Variants in DNAH17 observed in about 807,000 individuals in gnomAD.
DNAH17 encodes the protein dynein axonemal heavy chain 17, also known as axonemal beta dynein heavy chain 17.
A neutral mutation model predicts 485.6 loss-of-function variants in DNAH17; 376 were observed. That is an observed-to-expected ratio of 0.77 (90% CI 0.71 to 0.84). The LOEUF (loss-of-function observed/expected upper bound fraction) is 0.84. Among genes scored for constraint, DNAH17 ranks in the 40% least tolerant of loss-of-function variants. DNAH17 has a pLI of 0.00. For missense variants in DNAH17, 6,370 were observed against 5,839.3 expected, an observed-to-expected ratio of 1.09 and a Z score of -2.96; for synonymous variants, 3,031 against 2,405.9, an observed-to-expected ratio of 1.26 and a Z score of -7.60.
rs576595065 is a variant in DNAH17 at position 78,440,915 on chromosome 17, T to C, written c.11677+136A>G. ...CGTGTTATTTTCCTGTTCTTGATCA[T>C]TGCCATCCTACCGGCGTGAAGCCGC... On this transcript the variant is annotated intron_variant, in intron 72 of 80. Transcript: ENST00000389840. The C allele has an allele frequency of 2.2e-5, 24 of 1,069,518 alleles. No homozygotes were observed. The South Asian group carries it at 2.6e-4, about 12-fold the overall frequency. 66.3% of individuals were successfully genotyped at this position (1,069,518 alleles called of 1,614,324 possible). A position where few individuals can be genotyped will look rare whatever the true frequency, so the allele number is the denominator to read the frequency against.
At chr17:78,534,375 G>A (rs891106922) in intron 19 of DNAH17, among the ~76,000 whole-genome samples, 6 of 151,712 alleles carry the variant, frequency 4.0e-5, no homozygotes, top group African/African-American at 9.7e-5. Flanking sequence ...GAAGGGGAAG[G>A]TTGGCCCTAG....
At chr17:78,519,042 C>T (rs941708704) in intron 25 of DNAH17, among the ~76,000 whole-genome samples, 6 of 151,922 alleles carry the variant, frequency 3.9e-5, no homozygotes, top group South Asian at 2.1e-4. Flanking sequence ...GTGGCGGGCA[C>T]CTGTAGTCCC....
intron 48 of DNAH17, among the ~76,000 whole-genome samples, chr17:78,481,537 G>C (rs2089351291): frequency 6.6e-6 from 1 of 152,156 alleles, no homozygotes; most frequent in South Asian, 2.1e-4. Context: ...CAGTGCTGGG[G>C]CTCTGGGAAG....
In DNAH17 at chr17:78,432,219, TA is replaced by T. The variant is rs969326319; in HGVS notation, c.12225+1809del. Among the ~76,000 whole-genome samples the T allele has an allele frequency of 9.2e-5, 13 of 140,618 alleles. No homozygotes were observed. In the South Asian group the frequency reaches 1.6e-3, roughly 17 times the overall value. 92.3% of individuals were successfully genotyped at this position (140,618 alleles called of 152,430 possible). A position where few individuals can be genotyped will look rare whatever the true frequency, so the allele number is the denominator to read the frequency against. On this transcript the variant is annotated intron_variant, in intron 75 of 80. Coordinates refer to ENST00000389840, the MANE Select transcript of DNAH17 (RefSeq NM_173628.4). ...ATAAATAAATAAAATAAATAAAAAT[TA>T]AAAAAAAAATTCTAGCCAGACTGTT...
intron 29 of DNAH17, 132 bp downstream of exon 29, chr17:78,507,146 T>G (rs1309698279): frequency 2.9e-6 from 3 of 1,042,114 alleles, no homozygotes; most frequent in South Asian, 3.3e-5. Flanking sequence ...GGAAAGGCAA[T>G]TGATTAACCC....
intron 1 of DNAH17, among the ~76,000 whole-genome samples, chr17:78,576,146 G>A (rs2092429627): frequency 6.6e-6 from 1 of 152,144 alleles, no homozygotes; most frequent in Non-Finnish European, 1.5e-5. Context: ...AGATGACGTT[G>A]GAAGCACTCA....
At chr17:78,444,955 C>A (rs2087218775) in intron 70 of DNAH17, among the ~76,000 whole-genome samples, 158 bp from the exon 71 acceptor site, 1 of 152,112 alleles carries the variant, frequency 6.6e-6, no homozygotes, top group African/African-American at 2.4e-5. Context: ...AAAGCAGGAG[C>A]TGTCCATGCC....
At chr17:78,518,640 AC>A (rs1827129057) in intron 25 of DNAH17, among the ~76,000 whole-genome samples, 2 of 152,234 alleles carry the variant, frequency 1.3e-5, no homozygotes, top group Admixed American at 1.3e-4. Context: ...AACACAACCA[AC>A]TGACAGGATC....
rs1195461868 is a variant in DNAH17, at chr17:78,436,295, G to A, written c.12033+1346C>T. Among the ~76,000 whole-genome samples, 3 of 152,290 alleles carry A rather than the reference G, an allele frequency of 2.0e-5. No individual in the cohort carries two copies. The East Asian group carries it at 5.8e-4, about 29-fold the overall frequency. On this transcript the variant is annotated intron_variant, in intron 74 of 80. Coordinates refer to ENST00000389840, the MANE Select transcript of DNAH17 (RefSeq NM_173628.4). ...TACAAAAAACTAGCCAGGAGTGGTG[G>A]TGGGTGTCTGTAATCCCAGCTACTT...
In DNAH17 at chr17:78,553,283, G is replaced by GGTTTTTTTTTTTTTTTTTTTTT. The variant is rs2091944708; in HGVS notation, c.2179-479_2179-478insAAAAAAAAAAAAAAAAAAAAAC. ...AAATTACCCAGTCCCAGGTTTTTGTGTTTTTTTTTTTTTTTTTTTTTTTTT... is the reference window on the plus strand; with the variant it reads ...AAATTACCCAGTCCCAGGTTTTTGTGGTTTTTTTTTTTTTTTTTTTTTTTTTTTTTTTTTTTTTTTTTTTTTT... On this transcript the variant is annotated intron_variant, in intron 14 of 80. Transcript: ENST00000389840. Among the ~76,000 whole-genome samples the GGTTTTTTTTTTTTTTTTTTTTT allele has an allele frequency of 1.2e-4, 6 of 51,018 alleles. 1 individual carries two copies. Among genetic ancestry groups the GGTTTTTTTTTTTTTTTTTTTTT allele is most frequent in the African/African-American group, 1.8e-4 (2 of 11,072 alleles). The allele number at this position is 51,018 out of a possible 152,430, so 33.5% of individuals were successfully genotyped here.
At chr17:78,450,182 A>G in intron 68 of DNAH17, 72 bp downstream of exon 68, 1 of 1,542,966 alleles carries the variant, frequency 6.5e-7, no homozygotes, top group Non-Finnish European at 8.9e-7. Context: ...TGTGTGGGCA[A>G]CAGGCCTGGC....
intron 68 of DNAH17, chr17:78,449,842 T>A (rs1168871050): frequency 6.6e-6 from 3 of 457,436 alleles, no homozygotes; most frequent in Non-Finnish European, 7.9e-6. Flanking sequence ...CCTGGCTAAT[T>A]TTTTTTTATT....
At chr17:78,544,702 G>C (rs2091704490) in intron 16 of DNAH17, among the ~76,000 whole-genome samples, 1 of 150,344 alleles carries the variant, frequency 6.7e-6, no homozygotes, top group Non-Finnish European at 1.5e-5. Context: ...CCAGGAGGCT[G>C]AGGCAGGAGA....
In DNAH17 at chr17:78,493,964, G is replaced by A. The variant is rs866126178; in HGVS notation, c.6408+72C>T. The stretch of plus-strand genomic sequence containing the variant: ...CTCCGGGGTGGCGGGGAGTGATGGA[G>A]GGCCGACCCTTCGCCCCAGCCCTCC... On this transcript the variant is annotated intron_variant, in intron 41 of 80. Transcript: ENST00000389840. 4.6e-6 allele frequency: 7 copies of A among 1,527,084 alleles called. No homozygotes were observed. In the Middle Eastern group the frequency reaches 6.8e-4, roughly 148 times the overall value. 94.6% of individuals were successfully genotyped at this position (1,527,084 alleles called of 1,614,324 possible).
chr17:78,505,578 T>A, intron 30 of DNAH17, 133 bp from the exon 31 acceptor site: 1 of 1,142,850 alleles, frequency 8.8e-7, no homozygotes, highest in Non-Finnish European at 1.2e-6. Flanking sequence ...CAACGTTGAC[T>A]AAACATGACT....
chr17:78,474,993 C>T (rs1347393161), intron 54 of DNAH17, among the ~76,000 whole-genome samples: 2 of 150,808 alleles, frequency 1.3e-5, no homozygotes, highest in African/African-American at 2.4e-5. Context: ...ACACGCTTCA[C>T]CTCAGTCACA....
At chr17:78,555,284 T>C (rs2091994782) in intron 14 of DNAH17, among the ~76,000 whole-genome samples, 1 of 152,084 alleles carries the variant, frequency 6.6e-6, no homozygotes, top group Non-Finnish European at 1.5e-5. Flanking sequence ...CTCTTCCCAG[T>C]CGAGGAACCC....
intron 11 of DNAH17, among the ~76,000 whole-genome samples, 193 bp from the exon 12 acceptor site, chr17:78,562,173 T>C (rs2143658901): frequency 6.6e-6 from 1 of 152,350 alleles, no homozygotes; most frequent in East Asian, 1.9e-4. Context: ...TCTCATTGAC[T>C]TAGGCCGAGT....
chr17:78,543,290 T>G (rs1009820324), intron 17 of DNAH17, among the ~76,000 whole-genome samples: 4 of 150,092 alleles, frequency 2.7e-5, no homozygotes, highest in African/African-American at 4.9e-5. Context: ...AATTTTTGTT[T>G]TTTTTTTTTT....
Sources: allele counts gnomAD v4.1 joint callset (sites outside exome capture counted in the v4.1 genomes callset), GRCh38; gene constraint gnomAD v4.1.1; transcripts MANE v1.5; gene names NCBI Gene and HGNC (gene_info 2026-07-23, HGNC 2026-07-21).